Variants in GATB observed in about 807,000 individuals in gnomAD.
GATB encodes glutamyl-tRNA(Gln) amidotransferase subunit B, mitochondrial.
A neutral mutation model predicts 62.3 loss-of-function variants in GATB; 39 were observed. The observed-to-expected ratio is 0.63, with a 90% CI of 0.48 to 0.82. The LOEUF (loss-of-function observed/expected upper bound fraction) is 0.82, where lower values mean the gene tolerates loss of function less well. Ranked by LOEUF, GATB falls within the 40% of genes least tolerant of loss-of-function variation. The pLI, the probability that GATB is intolerant of heterozygous loss-of-function variation, is 0.00. For missense variants in GATB, 670 were observed against 684.0 expected, an observed-to-expected ratio of 0.98 and a Z score of 0.23; for synonymous variants, 276 against 258.9, an observed-to-expected ratio of 1.07 and a Z score of -0.63.
intron 2 of GATB, among the ~76,000 whole-genome samples, chr4:151,738,472 G>A (rs1739423149): frequency 6.6e-6 from 1 of 152,156 alleles, no homozygotes; most frequent in African/African-American, 2.4e-5. Context: ...ATGATTGTGA[G>A]GCCTCCCCAG....
chr4:151,721,608 TC>T (rs887102994), intron 2 of GATB: 1 of 152,496 alleles, frequency 6.6e-6, no homozygotes, highest in African/African-American at 2.4e-5. Flanking sequence ...GCTTTGCTCT[TC>T]CTGGGGTCAG....
In GATB at chr4:151,701,360, C is replaced by A; in HGVS notation, c.1166G>T (p.Gly389Val). Residue 389 changes from glycine (G) to valine (V), a missense_variant, in exon 9 of 13, where the codon GGG (glycine) becomes GTG (valine). By Grantham distance (109) the Gly-to-Val change is moderately radical. Transcript: ENST00000263985. Reference sequence around the variant, plus strand: ...AGTGAAGCTGTGTTCCAGCAGCATCCCATACTGTTGGACAAGCTTCTCTCG... The same window carrying A: ...AGTGAAGCTGTGTTCCAGCAGCATCACATACTGTTGGACAAGCTTCTCTCG... ...VTREKLVQQY[G>V]MLLEHSFTLL... 6.3e-7 allele frequency: 1 copy of A among 1,581,652 alleles called. No individual in the cohort carries two copies. The highest frequency in any genetic ancestry group is 8.6e-7 in the Non-Finnish European group (1 of 1,163,788).
Position 151,671,317 on chromosome 4 carries a change from A to ATTAC in GATB, c.1546-19_1546-16dup, listed in dbSNP as rs34076826. The ATTAC allele has an allele frequency of 0.51, 814,578 of 1,603,230 alleles. 215,521 individuals carry two copies. The highest frequency in any genetic ancestry group is 0.88 in the African/African-American group (65,513 of 74,360). Reference sequence around the variant, plus strand: ...ACATCCATTACCTAGAAGGACAGAAATTACTTACTTAAGAGGAGAAAATGA... The same window carrying ATTAC: ...ACATCCATTACCTAGAAGGACAGAAATTACTTACTTACTTAAGAGGAGAAAATGA... On this transcript the variant is annotated splice_polypyrimidine_tract_variant and intron_variant, in intron 12 of 12. Coordinates refer to ENST00000263985, the MANE Select transcript of GATB (RefSeq NM_004564.3).
In GATB at chr4:151,716,071, G is replaced by A; in HGVS notation, c.701C>T (p.Thr234Ile). The A allele has an allele frequency of 1.2e-6, 2 of 1,613,930 alleles. No individual in the cohort carries two copies. The highest frequency in any genetic ancestry group is 8.5e-7 in the Non-Finnish European group (1 of 1,179,944). The change falls in exon 5 of 13, where the codon ACA (threonine) becomes ATA (isoleucine). Residue 234 changes from threonine to isoleucine, a missense_variant. Thr to Ile is a moderately conservative substitution (Grantham distance 89, BLOSUM62 -1). Coordinates refer to ENST00000263985, the MANE Select transcript of GATB (RefSeq NM_004564.3). ...PDMSCGEEAA[T>I]AVRELQLILQ... ...GATCAGCTGCAGCTCCCTGACAGCT[G>A]TTGCCGCCTCTTCTCCACAGGACAT...
intron 2 of GATB, among the ~76,000 whole-genome samples, chr4:151,757,237 C>A (rs1739849716): frequency 6.6e-6 from 1 of 152,072 alleles, no homozygotes. Context: ...CCAGAGGGAC[C>A]CAGCAGCAAA....
rs1560837239 is a variant in GATB, at chr4:151,670,997, C to A, written c.*177G>T. On this transcript the variant is annotated 3_prime_UTR_variant, in exon 13 of 13. Coordinates refer to ENST00000263985, the MANE Select transcript of GATB (RefSeq NM_004564.3). ...CTGCTGGTCGGCTGTGGAGGCACCT[C>A]CAGGCACAGGGCCTAGAGGGTGAGA... The A allele has an allele frequency of 1.4e-6, 1 of 721,468 alleles. No homozygotes were observed. Among genetic ancestry groups the A allele is most frequent in the Admixed American group, 2.7e-5 (1 of 36,768 alleles). The allele number at this position is 721,468 out of a possible 1,614,324, so 44.7% of individuals were successfully genotyped here. A position where few individuals can be genotyped will look rare whatever the true frequency, so the allele number is the denominator to read the frequency against.
intron 5 of GATB, among the ~76,000 whole-genome samples, chr4:151,713,150 C>A (rs1454073764): frequency 6.6e-6 from 1 of 152,008 alleles, no homozygotes; most frequent in East Asian, 1.9e-4. Context: ...TCACTGTCTC[C>A]CATCACCCCC....
intron 2 of GATB, among the ~76,000 whole-genome samples, chr4:151,731,927 C>G (rs1313932185): frequency 1.3e-5 from 2 of 150,848 alleles, no homozygotes; most frequent in Non-Finnish European, 3.0e-5. Context: ...GGGTCAGCCC[C>G]CGCCGGGCCA....
Position 151,701,378 on chromosome 4 carries a change from T to C in GATB, c.1148A>G (p.Lys383Arg), listed in dbSNP as rs140057540. Residue 383 changes from lysine to arginine, a missense_variant, in exon 9 of 13, where the codon AAG becomes AGG. Coordinates refer to ENST00000263985, the MANE Select transcript of GATB (RefSeq NM_004564.3). ...CAGCATCCCATACTGTTGGACAAGC[T>C]TCTCTCGGGTCACACTGGGGAGCTC... ...LPELPSVTRE[K>R]LVQQYGMLLE... 6.3e-7 allele frequency: 1 copy of C among 1,596,196 alleles called. No individual in the cohort carries two copies. The highest frequency in any genetic ancestry group is 8.5e-7 in the Non-Finnish European group (1 of 1,170,980).
chr4:151,708,394 G>A (rs1017230868), intron 5 of GATB, among the ~76,000 whole-genome samples: 7 of 152,222 alleles, frequency 4.6e-5, no homozygotes, highest in Admixed American at 1.3e-4. Flanking sequence ...GCCAGCTGGA[G>A]AGATCTAATT....
chr4:151,697,291 T>C (rs1038696738), intron 9 of GATB, among the ~76,000 whole-genome samples: 7 of 152,214 alleles, frequency 4.6e-5, no homozygotes, highest in African/African-American at 1.4e-4. Flanking sequence ...AATGAAATAT[T>C]ATTCAGCTAT....
chr4:151,673,011 TC>T, intron 11 of GATB, 115 bp from the exon 12 acceptor site: 1 of 1,311,462 alleles, frequency 7.6e-7, no homozygotes, highest in Non-Finnish European at 1.1e-6. Context: ...TTCAATTAAG[TC>T]CCCACTGCCT....
chr4:151,742,643 G>A (rs1164912001), intron 2 of GATB, among the ~76,000 whole-genome samples: 2 of 152,136 alleles, frequency 1.3e-5, no homozygotes, highest in East Asian at 3.9e-4. Context: ...TAACTCTGTG[G>A]TCCAGAAGCC....
chr4:151,715,995 T>C lies in GATB; in HGVS notation c.763+14A>G. 6.2e-7 allele frequency: 1 copy of C among 1,612,704 alleles called. No individual in the cohort carries two copies. Among genetic ancestry groups the C allele is most frequent in the South Asian group, 1.1e-5 (1 of 90,686 alleles). The stretch of plus-strand genomic sequence containing the variant: ...GGGAGAGGGAAAGAAGAATACTGCT[T>C]CTGTGGCTTCTACCTGCCATGTTCG... On this transcript the variant is annotated intron_variant, in intron 5 of 12. Coordinates refer to ENST00000263985, the MANE Select transcript of GATB (RefSeq NM_004564.3).
At chr4:151,692,065 C>T (rs1560845508) in intron 9 of GATB, among the ~76,000 whole-genome samples, 1 of 152,188 alleles carries the variant, frequency 6.6e-6, no homozygotes, top group Non-Finnish European at 1.5e-5. Context: ...CAGTGATAAC[C>T]AGAGTTACAG....
At chr4:151,705,497 A>G (rs1013191314) in intron 6 of GATB, among the ~76,000 whole-genome samples, 1 of 152,190 alleles carries the variant, frequency 6.6e-6, no homozygotes, top group Non-Finnish European at 1.5e-5. Context: ...TGTTGAGACA[A>G]TTCAGGTTCA....
At chr4:151,683,301 A>G (rs1738180545) in intron 10 of GATB, among the ~76,000 whole-genome samples, 1 of 152,150 alleles carries the variant, frequency 6.6e-6, no homozygotes, top group African/African-American at 2.4e-5. Flanking sequence ...CTTAAAAATC[A>G]ACCCCCTTGC....
chr4:151,699,343 C>T (rs188848145), intron 9 of GATB, among the ~76,000 whole-genome samples: 28 of 148,678 alleles, frequency 1.9e-4, no homozygotes, highest in Admixed American at 8.8e-4. Context: ...GAGCTGAGAT[C>T]GTGCCACTGC....
intron 2 of GATB, among the ~76,000 whole-genome samples, chr4:151,744,129 G>T (rs996165756): frequency 1.3e-5 from 2 of 152,164 alleles, no homozygotes; most frequent in African/African-American, 4.8e-5. Context: ...GATAAGCTTG[G>T]GTAATCAAGA....
Sources: allele counts gnomAD v4.1 joint callset (sites outside exome capture counted in the v4.1 genomes callset), GRCh38; gene constraint gnomAD v4.1.1; transcripts MANE v1.5; gene names NCBI Gene and HGNC (gene_info 2026-07-23, HGNC 2026-07-21).